CSMD1: variants seen among roughly 807,000 people sequenced by gnomAD.
CSMD1 encodes the protein CUB and Sushi multiple domains 1, also known as CUB and sushi domain-containing protein 1.
In CSMD1, 213 loss-of-function variants were observed where a neutral mutation model predicts 417.5. The ratio of observed to expected loss-of-function variants is 0.51; its 90% CI spans 0.46 to 0.57. CSMD1 has a LOEUF of 0.57. Ranked by LOEUF, CSMD1 falls within the 20% of genes least tolerant of loss-of-function variation. CSMD1 has a pLI of 0.00. For missense variants in CSMD1, 6,923 were observed against 4,529.7 expected, an observed-to-expected ratio of 1.53 and a Z score of -15.17; for synonymous variants, 2,862 against 1,736.8, an observed-to-expected ratio of 1.65 and a Z score of -16.11.
rs180686883 is a variant in CSMD1 at position 4,268,084 on chromosome 8, A to C, written c.415+151869T>G. Reference sequence around the variant, plus strand: ...CAAAATCCTCGCAATCCACAAATTGAAACATTGTTACAAAAAACCTAATCC... The same window carrying C: ...CAAAATCCTCGCAATCCACAAATTGCAACATTGTTACAAAAAACCTAATCC... On this transcript the variant is annotated intron_variant, in intron 3 of 69. Transcript: ENST00000635120. 3.7e-3 allele frequency among the ~76,000 whole-genome samples: 556 copies of C among 151,892 alleles called. 2 individuals are homozygous for C. Among genetic ancestry groups the C allele is most frequent in the African/African-American group, 0.013 (531 of 41,194 alleles).
At chr8:4,109,201 A>T (rs1031608983) in intron 3 of CSMD1, among the ~76,000 whole-genome samples, 1 of 152,178 alleles carries the variant, frequency 6.6e-6, no homozygotes, top group Non-Finnish European at 1.5e-5. Context: ...CCAGAAAAAA[A>T]TCCTGAATAT....
intron 3 of CSMD1, among the ~76,000 whole-genome samples, chr8:4,402,206 C>A (rs952250025): frequency 2.0e-5 from 3 of 152,114 alleles, no homozygotes; most frequent in Non-Finnish European, 2.9e-5. Flanking sequence ...TTCTGACATC[C>A]CATGCTCTTA....
At chr8:4,930,900 A>T (rs1047666087) in intron 1 of CSMD1, among the ~76,000 whole-genome samples, 1 of 152,242 alleles carries the variant, frequency 6.6e-6, no homozygotes, top group Non-Finnish European at 1.5e-5. Flanking sequence ...AGTTTTCTGT[A>T]TCCCACCATC....
chr8:4,100,192 A>C (rs999167193), intron 3 of CSMD1, among the ~76,000 whole-genome samples: 8 of 152,140 alleles, frequency 5.3e-5, no homozygotes, highest in African/African-American at 1.9e-4. Flanking sequence ...TACCTTGGGG[A>C]AGGGTGAGGA....
intron 2 of CSMD1, among the ~76,000 whole-genome samples, chr8:4,619,588 A>T (rs1036911843): frequency 6.6e-6 from 1 of 152,122 alleles, no homozygotes; most frequent in Admixed American, 6.6e-5. Flanking sequence ...CACCAGATAC[A>T]TCCAGTTATA....
chr8:3,044,632 A>G (rs1053224395), intron 50 of CSMD1, among the ~76,000 whole-genome samples: 5 of 152,052 alleles, frequency 3.3e-5, no homozygotes, highest in Middle Eastern at 3.4e-3. Context: ...AATAACTGAA[A>G]TGAAAAAAAA....
chr8:4,412,161 A>C (rs1796685505), intron 3 of CSMD1, among the ~76,000 whole-genome samples: 1 of 152,126 alleles, frequency 6.6e-6, no homozygotes, highest in South Asian at 2.1e-4. Context: ...TGTGCCTCTG[A>C]TATAGTTCGG....
intron 5 of CSMD1, among the ~76,000 whole-genome samples, chr8:3,965,960 T>G (rs1232170150): frequency 6.6e-6 from 1 of 152,194 alleles, no homozygotes; most frequent in African/African-American, 2.4e-5. Context: ...CAAGGTCTTT[T>G]GAGAAAGCAT....
intron 2 of CSMD1, among the ~76,000 whole-genome samples, chr8:4,476,449 G>C (rs1329421411): frequency 2.0e-5 from 3 of 152,130 alleles, no homozygotes; most frequent in Non-Finnish European, 4.4e-5. Context: ...TATACATATG[G>C]TAAAATCATA....
At chr8:4,093,718 T>C (rs564060134) in intron 3 of CSMD1, among the ~76,000 whole-genome samples, 8 of 152,232 alleles carry the variant, frequency 5.3e-5, no homozygotes, top group African/African-American at 1.9e-4. Flanking sequence ...TTCGGCACTT[T>C]GGGAGGCTGA....
Position 3,904,189 on chromosome 8 carries a change from C to A in CSMD1, c.818+93714G>T, listed in dbSNP as rs1336580611. Among the ~76,000 whole-genome samples, 4 of 152,092 alleles carry A rather than the reference C, an allele frequency of 2.6e-5. No individual in the cohort carries two copies. The South Asian group carries it at 8.3e-4, about 32-fold the overall frequency. On this transcript the variant is annotated intron_variant, in intron 5 of 69. Coordinates refer to ENST00000635120, the MANE Select transcript of CSMD1 (RefSeq NM_033225.6). ...ACAATACATGTTTCTGGAGAACCGG[C>A]CTGTGTCTCATTCTGAAGTAACTTA...
chr8:3,665,919 C>A, intron 7 of CSMD1, among the ~76,000 whole-genome samples: 1 of 151,964 alleles, frequency 6.6e-6, no homozygotes, highest in East Asian at 1.9e-4. Flanking sequence ...ACTCTGTCAC[C>A]CAGGCTGGAG....
chr8:3,986,474 C>T (rs1042963384), intron 5 of CSMD1, among the ~76,000 whole-genome samples: 1 of 152,168 alleles, frequency 6.6e-6, no homozygotes, highest in Admixed American at 6.5e-5. Flanking sequence ...CAAAGCCGAG[C>T]AACTGACTTC....
At chr8:3,788,040 T>A (rs896339885) in intron 5 of CSMD1, among the ~76,000 whole-genome samples, 2 of 152,176 alleles carry the variant, frequency 1.3e-5, no homozygotes, top group Non-Finnish European at 2.9e-5. Flanking sequence ...AGTCTTAACC[T>A]CACACACTGG....
At chr8:4,741,919 G>C (rs560982666) in intron 1 of CSMD1, among the ~76,000 whole-genome samples, 21 of 145,376 alleles carry the variant, frequency 1.4e-4, no homozygotes, top group African/African-American at 4.8e-4. Flanking sequence ...CTGCAGCTTC[G>C]ACTTCCTGGG....
At chr8:3,947,213 C>A (rs1811288431) in intron 5 of CSMD1, among the ~76,000 whole-genome samples, 1 of 152,168 alleles carries the variant, frequency 6.6e-6, no homozygotes, top group South Asian at 2.1e-4. Context: ...AGTTCCTAGT[C>A]AGCTGAAAAG....
At chr8:4,206,978 T>C (rs943315806) in intron 3 of CSMD1, among the ~76,000 whole-genome samples, 1 of 152,182 alleles carries the variant, frequency 6.6e-6, no homozygotes, top group Middle Eastern at 3.2e-3. Flanking sequence ...GTGGATAAAA[T>C]TATAAATCTA....
chr8:3,667,858 T>C (rs1000973586), intron 7 of CSMD1, among the ~76,000 whole-genome samples: 4 of 152,186 alleles, frequency 2.6e-5, no homozygotes, highest in African/African-American at 9.7e-5. Flanking sequence ...TGTTTAATCG[T>C]GAAATAGCAG....
intron 2 of CSMD1, among the ~76,000 whole-genome samples, chr8:4,631,403 T>TTG (rs965569978): frequency 6.6e-6 from 1 of 151,654 alleles, no homozygotes; most frequent in Non-Finnish European, 1.5e-5. Context: ...GGTTTGTTTT[T>TTG]TTTTTTTTTT....
Sources: allele counts gnomAD v4.1 joint callset (sites outside exome capture counted in the v4.1 genomes callset), GRCh38; gene constraint gnomAD v4.1.1; transcripts MANE v1.5; gene names NCBI Gene and HGNC (gene_info 2026-07-23, HGNC 2026-07-21).